TMEM117: variants seen among roughly 807,000 people sequenced by gnomAD.
TMEM117 encodes transmembrane protein 117.
A neutral mutation model predicts 52.4 loss-of-function variants in TMEM117; 27 were observed. The observed-to-expected ratio is 0.51, with a 90% CI of 0.38 to 0.71. TMEM117 has a LOEUF of 0.71. Ranked by LOEUF, TMEM117 falls within the 30% of genes least tolerant of loss-of-function variation. The probability of loss-of-function intolerance (pLI) is 0.00; values close to 1 mark genes in which losing one functional copy is unlikely to be tolerated. For synonymous variants in TMEM117, 215 were observed against 206.3 expected, an observed-to-expected ratio of 1.04 and a Z score of -0.36; for missense variants, 556 against 630.5, an observed-to-expected ratio of 0.88 and a Z score of 1.26.
At chr12:44,372,599 A>G (rs561997166) in intron 6 of TMEM117, among the ~76,000 whole-genome samples, 4 of 151,952 alleles carry the variant, frequency 2.6e-5, no homozygotes, top group Admixed American at 1.3e-4. Context: ...CTGTGATGAA[A>G]AAAAAAAAAA....
intron 2 of TMEM117, among the ~76,000 whole-genome samples, chr12:43,872,033 A>G (rs1017985548): frequency 6.6e-6 from 1 of 152,154 alleles, no homozygotes; most frequent in Non-Finnish European, 1.5e-5. Context: ...AGCTTGGACT[A>G]CAGGAGTGAG....
upstream of TMEM117, chr12:43,836,019 G>C (rs1463480693): frequency 6.6e-6 from 1 of 151,304 alleles, no homozygotes; most frequent in African/African-American, 2.4e-5. Context: ...AGGGCGCCCG[G>C]CGTAGGCGGC....
intron 2 of TMEM117, among the ~76,000 whole-genome samples, chr12:43,846,850 T>TACAC (rs151170731): frequency 1.3e-5 from 2 of 152,116 alleles, no homozygotes; most frequent in East Asian, 1.9e-4. Context: ...TAACTATCCG[T>TACAC]ACACACACAC....
chr12:44,160,755 T>C (rs957186071), intron 4 of TMEM117, among the ~76,000 whole-genome samples: 5 of 152,150 alleles, frequency 3.3e-5, no homozygotes, highest in African/African-American at 1.2e-4. Context: ...TGAGCTATGG[T>C]TGGTCCACTG....
rs1944015486 is a variant in TMEM117 at position 43,887,349 on chromosome 12, A to G, written c.277+42421A>G. 2.0e-5 allele frequency among the ~76,000 whole-genome samples: 3 copies of G among 152,228 alleles called. No individual in the cohort carries two copies. The South Asian group carries it at 6.2e-4, about 32-fold the overall frequency. On this transcript the variant is annotated intron_variant, in intron 2 of 7. Coordinates refer to ENST00000266534, the MANE Select transcript of TMEM117 (RefSeq NM_032256.3). ...GATTAATGCCAGTTAAAAGTGAAGA[A>G]GGTACTTCTCTTCCTGCTGTTTTGT... is the stretch of plus-strand genomic sequence containing the variant.
chr12:44,267,193 C>G (rs1169576189), intron 5 of TMEM117, among the ~76,000 whole-genome samples: 1 of 151,916 alleles, frequency 6.6e-6, no homozygotes, highest in Non-Finnish European at 1.5e-5. Context: ...ATTTTTTCAA[C>G]TATGTTTTGT....
intron 3 of TMEM117, among the ~76,000 whole-genome samples, chr12:44,103,318 G>C (rs1005196483): frequency 2.7e-5 from 4 of 150,292 alleles, no homozygotes. Context: ...ACATGGTATT[G>C]TAATGAAGTC....
chr12:44,262,509 A>G (rs1950331745), intron 5 of TMEM117, among the ~76,000 whole-genome samples: 1 of 152,240 alleles, frequency 6.6e-6, no homozygotes, highest in Admixed American at 6.5e-5. Context: ...AAACTATAAA[A>G]GTATAAAAGA....
At chr12:43,899,781 C>A (rs1441402656) in intron 2 of TMEM117, among the ~76,000 whole-genome samples, 1 of 152,138 alleles carries the variant, frequency 6.6e-6, no homozygotes, top group East Asian at 1.9e-4. Flanking sequence ...TTTGAACTGG[C>A]AGGATCTTTA....
intron 2 of TMEM117, among the ~76,000 whole-genome samples, chr12:43,880,027 A>G (rs1305979212): frequency 6.6e-6 from 1 of 152,242 alleles, no homozygotes. Context: ...AGCTTTCTTC[A>G]AGTCATTGGA....
At chr12:44,342,166 C>A (rs1301463053) in intron 6 of TMEM117, among the ~76,000 whole-genome samples, 1 of 152,130 alleles carries the variant, frequency 6.6e-6, no homozygotes, top group East Asian at 1.9e-4. Flanking sequence ...CGTTTGAAAG[C>A]AGAGCTACAG....
intron 4 of TMEM117, among the ~76,000 whole-genome samples, chr12:44,182,253 G>A (rs1336540271): frequency 6.6e-6 from 1 of 152,002 alleles, no homozygotes; most frequent in African/African-American, 2.4e-5. Context: ...GGAGATTTTG[G>A]GCTGAGACAA....
At chr12:44,161,599 A>C (rs1948899298) in intron 4 of TMEM117, among the ~76,000 whole-genome samples, 1 of 152,224 alleles carries the variant, frequency 6.6e-6, no homozygotes, top group South Asian at 2.1e-4. Context: ...GACATACCCT[A>C]GCACAGTTCT....
At chr12:44,288,031 A>T (rs1950658333) in intron 5 of TMEM117, among the ~76,000 whole-genome samples, 2 of 152,068 alleles carry the variant, frequency 1.3e-5, no homozygotes, top group Admixed American at 1.3e-4. Flanking sequence ...CAGAAAAGTG[A>T]CTCTTTTTAT....
intron 2 of TMEM117, among the ~76,000 whole-genome samples, chr12:43,888,543 C>CTTTTTTTTTTTTT (rs147186370): frequency 1.1e-5 from 1 of 92,206 alleles, no homozygotes; most frequent in African/African-American, 3.8e-5. Context: ...CATTAGTTTT[C>CTTTTTTTTTTTTT]TTTTTTTTTT....
intron 3 of TMEM117, among the ~76,000 whole-genome samples, chr12:44,082,694 A>T (rs1947501509): frequency 6.6e-6 from 1 of 152,162 alleles, no homozygotes; most frequent in African/African-American, 2.4e-5. Flanking sequence ...CAATTTATAA[A>T]TATAATTCAT....
intron 3 of TMEM117, among the ~76,000 whole-genome samples, chr12:43,983,402 T>C (rs1214270465): frequency 2.0e-5 from 3 of 152,058 alleles, no homozygotes; most frequent in Non-Finnish European, 2.9e-5. Flanking sequence ...TGTAGGGTCA[T>C]GGATACAGCG....
At chr12:44,374,818 T>C (rs1337957020) in intron 6 of TMEM117, among the ~76,000 whole-genome samples, 1 of 152,122 alleles carries the variant, frequency 6.6e-6, no homozygotes, top group Non-Finnish European at 1.5e-5. Flanking sequence ...CGGTTCTGAA[T>C]ACACTTGCCC....
At chr12:43,858,318 G>A (rs1943433494) in intron 2 of TMEM117, among the ~76,000 whole-genome samples, 1 of 152,194 alleles carries the variant, frequency 6.6e-6, no homozygotes, top group Non-Finnish European at 1.5e-5. Flanking sequence ...CTGGCAGCCG[G>A]TGTGCCTTGT....
Sources: gnomAD v4.1 joint callset for allele counts (sites outside exome capture counted in the v4.1 genomes callset) on GRCh38, gnomAD v4.1.1 for gene constraint, MANE v1.5 for transcripts, NCBI Gene and HGNC (gene_info 2026-07-23, HGNC 2026-07-21) for gene names.